The following PPFIA2 variants were observed in gnomAD, a reference collection of about 807,000 sequenced individuals.
The protein encoded by PPFIA2 is liprin-alpha-2.
A neutral mutation model predicts 175.5 loss-of-function variants in PPFIA2; 46 were observed. That is an observed-to-expected ratio of 0.26 (90% CI 0.21 to 0.34). PPFIA2 has a LOEUF of 0.34. Among genes scored for constraint, PPFIA2 ranks in the 10% least tolerant of loss-of-function variants. The probability of loss-of-function intolerance (pLI) is 1.00; values close to 1 mark genes in which losing one functional copy is unlikely to be tolerated. For missense variants in PPFIA2, 1,179 were observed against 1,506.1 expected (o/e 0.78, Z 3.60); for synonymous variants, 568 against 511.4 (o/e 1.11, Z -1.49).
chr12:81,347,393 G>A (rs1438010826), intron 18 of PPFIA2, 140 bp downstream of exon 18: 3 of 771,466 alleles, frequency 3.9e-6, no homozygotes, highest in South Asian at 3.0e-5. Flanking sequence ...TGATCACATA[G>A]GGATGTTGTG....
intron 4 of PPFIA2, among the ~76,000 whole-genome samples, chr12:81,641,108 G>A (rs1216448538): frequency 6.6e-6 from 1 of 152,034 alleles, no homozygotes; most frequent in African/African-American, 2.4e-5. Context: ...TTTGTGTTGG[G>A]AACATTTCAA....
chr12:81,384,608 C>T (rs1209432082), intron 8 of PPFIA2, among the ~76,000 whole-genome samples: 3 of 151,670 alleles, frequency 2.0e-5, no homozygotes, highest in Non-Finnish European at 4.4e-5. Context: ...GATATAACAC[C>T]ATACATTATT....
chr12:81,299,546 C>T (rs1279885407), intron 22 of PPFIA2, among the ~76,000 whole-genome samples, 164 bp from the exon 23 acceptor site: 1 of 152,106 alleles, frequency 6.6e-6, no homozygotes, highest in Non-Finnish European at 1.5e-5. Context: ...ACACACACAT[C>T]ATCCATTGAT....
At chr12:81,545,476 G>A (rs2066847915) in intron 4 of PPFIA2, 2 of 154,542 alleles carry the variant, frequency 1.3e-5, no homozygotes, top group Non-Finnish European at 2.9e-5. Flanking sequence ...TCTAAAAAGA[G>A]TGCTGCTGAT....
chr12:81,339,888 TC>T (rs1240545121), intron 20 of PPFIA2, among the ~76,000 whole-genome samples: 1 of 152,114 alleles, frequency 6.6e-6, no homozygotes, highest in Admixed American at 6.6e-5. Flanking sequence ...ATCCTCGTGA[TC>T]AATGTATGTG....
intron 8 of PPFIA2, among the ~76,000 whole-genome samples, chr12:81,401,096 C>T (rs2142729850): frequency 6.6e-6 from 1 of 152,088 alleles, no homozygotes; most frequent in South Asian, 2.1e-4. Context: ...TTGTACGGGT[C>T]CCTTGATCAT....
intron 4 of PPFIA2, among the ~76,000 whole-genome samples, chr12:81,463,296 A>C (rs1219180020): frequency 1.3e-5 from 2 of 152,140 alleles, no homozygotes; most frequent in Non-Finnish European, 2.9e-5. Flanking sequence ...CAATGTTAGA[A>C]GGAAACTTTA....
intron 4 of PPFIA2, among the ~76,000 whole-genome samples, chr12:81,603,683 G>A (rs1027578959): frequency 6.6e-6 from 1 of 151,510 alleles, no homozygotes; most frequent in Non-Finnish European, 1.5e-5. Context: ...TTCAGTACTT[G>A]TGTGTCAGAC....
chr12:81,327,839 CATAACT>C (rs2055148080), intron 21 of PPFIA2, among the ~76,000 whole-genome samples: 2 of 151,756 alleles, frequency 1.3e-5, no homozygotes, highest in Admixed American at 6.6e-5. Flanking sequence ...TTTATTTTCT[CATAACT>C]ATAAAATAAA....
At chr12:81,625,848 T>C (rs928679098) in intron 4 of PPFIA2, among the ~76,000 whole-genome samples, 6 of 147,826 alleles carry the variant, frequency 4.1e-5, no homozygotes, top group African/African-American at 1.5e-4. Context: ...TTATTAAATA[T>C]ATTATAAATA....
chr12:81,274,676 G>C (rs1031276577), intron 28 of PPFIA2, among the ~76,000 whole-genome samples: 1 of 152,140 alleles, frequency 6.6e-6, no homozygotes, highest in African/African-American at 2.4e-5. Context: ...ATGTTAGTAG[G>C]TTCTTGATAT....
chr12:81,406,646 A>C lies in PPFIA2; in HGVS notation c.646-743T>G, dbSNP rs574532515. ...ATAGTATTTCAGTCTTTTTAAAATGATGTTTTAAAATACATTTGCTAAATA... is the reference window on the plus strand; with the variant it reads ...ATAGTATTTCAGTCTTTTTAAAATGCTGTTTTAAAATACATTTGCTAAATA... On this transcript the variant is annotated intron_variant, in intron 7 of 32. Coordinates refer to ENST00000549396, the MANE Select transcript of PPFIA2 (RefSeq NM_003625.5). 8.5e-5 allele frequency among the ~76,000 whole-genome samples: 13 copies of C among 152,116 alleles called. 1 individual carries two copies. In the South Asian group the frequency reaches 2.7e-3, roughly 31 times the overall value.
chr12:81,445,845 A>G (rs1214359827), intron 5 of PPFIA2, 125 bp from the exon 6 acceptor site: 22 of 812,890 alleles, frequency 2.7e-5, no homozygotes, highest in Non-Finnish European at 3.5e-5. Context: ...GTTACACTGC[A>G]AGCAGCAACA....
At chr12:81,633,999 G>A (rs2063703136) in intron 4 of PPFIA2, among the ~76,000 whole-genome samples, 2 of 152,054 alleles carry the variant, frequency 1.3e-5, no homozygotes, top group Non-Finnish European at 2.9e-5. Flanking sequence ...ACTCTCTTGT[G>A]TTAAACTGGT....
chr12:81,264,622 T>C (rs1321140609), intron 30 of PPFIA2, among the ~76,000 whole-genome samples: 1 of 152,234 alleles, frequency 6.6e-6, no homozygotes, highest in Non-Finnish European at 1.5e-5. Flanking sequence ...AGGTAGGCTT[T>C]GTAGACTGCT....
rs189341640 is a variant in PPFIA2 at position 81,630,622 on chromosome 12, T to C, written c.303+46169A>G. Among the ~76,000 whole-genome samples the C allele has an allele frequency of 2.2e-3, 335 of 152,210 alleles. 1 individual carries two copies. Among genetic ancestry groups the C allele is most frequent in the African/African-American group, 7.6e-3 (315 of 41,540 alleles). ...CCTAATAGTCTTGTCCTGATGACTC[T>C]GATAAACTATTTCCATTCCTTCCCA... On this transcript the variant is annotated intron_variant, in intron 4 of 32. Coordinates refer to ENST00000549396, the MANE Select transcript of PPFIA2 (RefSeq NM_003625.5).
intron 4 of PPFIA2, among the ~76,000 whole-genome samples, chr12:81,555,646 A>G (rs1378961926): frequency 2.6e-5 from 4 of 151,998 alleles, no homozygotes; most frequent in Non-Finnish European, 4.4e-5. Context: ...ACAAAGCACA[A>G]AAAATTACAA....
chr12:81,266,881 T>C (rs1273381639), intron 30 of PPFIA2, 71 bp downstream of exon 30: 1 of 1,126,348 alleles, frequency 8.9e-7, no homozygotes, highest in Non-Finnish European at 1.3e-6. Context: ...GCACTATTCC[T>C]TAAAAACAAA....
intron 11 of PPFIA2, 98 bp from the exon 12 acceptor site, chr12:81,369,292 A>G (rs1159111100): frequency 2.0e-6 from 3 of 1,536,914 alleles, no homozygotes; most frequent in Non-Finnish European, 1.8e-6. Context: ...GCTACTACCA[A>G]CTGCAAACAT....
Sources: allele counts gnomAD v4.1 joint callset (sites outside exome capture counted in the v4.1 genomes callset), GRCh38; gene constraint gnomAD v4.1.1; transcripts MANE v1.5; gene names NCBI Gene and HGNC (gene_info 2026-07-23, HGNC 2026-07-21).